UMOD: variants seen among roughly 807,000 people sequenced by gnomAD.
UMOD encodes the protein uromodulin.
UMOD carries 64 observed loss-of-function variants against 66.0 expected under a neutral mutation model. The observed-to-expected ratio is 0.97, with a 90% CI of 0.79 to 1.19. The LOEUF (loss-of-function observed/expected upper bound fraction) is 1.19. Among genes scored for constraint, UMOD ranks in the 50% most tolerant of loss-of-function variants. The pLI is 0.00. For missense variants in UMOD, 764 were observed against 850.9 expected, an observed-to-expected ratio of 0.90 and a Z score of 1.27; for synonymous variants, 398 against 352.7, an observed-to-expected ratio of 1.13 and a Z score of -1.44.
In UMOD at chr16:20,350,983, T is replaced by C. The variant is rs1273711534; in HGVS notation, c.-102-144A>G. On this transcript the variant is annotated intron_variant, in intron 1 of 10. Transcript: ENST00000396138. ...ATTGCATAACACTGCAGCCCTTGTT[T>C]TGCTGGGACTTTACCCCTTGTACTC... 6.6e-6 allele frequency: 5 copies of C among 754,538 alleles called. No individual in the cohort carries two copies. The African/African-American group carries it at 7.1e-5, about 11-fold the overall frequency. 46.7% of individuals were successfully genotyped at this position (754,538 alleles called of 1,614,324 possible). A position where few individuals can be genotyped will look rare whatever the true frequency, so the allele number is the denominator to read the frequency against.
chr16:20,353,246 T>C (rs559229803), upstream of UMOD, among the ~76,000 whole-genome samples: 7 of 152,214 alleles, frequency 4.6e-5, no homozygotes, highest in South Asian at 1.2e-3. Context: ...TGGCTGAAAG[T>C]CAGAACCAGA....
At chr16:20,345,511 C>G (rs1338354566) in intron 5 of UMOD, among the ~76,000 whole-genome samples, 3 of 103,044 alleles carry the variant, frequency 2.9e-5, no homozygotes, top group African/African-American at 1.2e-4. Context: ...TCCCTTCCTT[C>G]CTTCCTTCCT....
rs1965207569 is a variant in UMOD at position 20,341,355 on chromosome 16, T to G, written c.1332-19A>C. ...TAGAGCACTGCCAGGGGAGAAGGGT[T>G]GGTGAGAGGACCGGGCTGAGAACAT... is the stretch of plus-strand genomic sequence containing the variant. On this transcript the variant is annotated intron_variant, in intron 6 of 10. Coordinates refer to ENST00000396138, the MANE Select transcript of UMOD (RefSeq NM_003361.4). 3.1e-6 allele frequency: 5 copies of G among 1,612,290 alleles called. No individual in the cohort carries two copies. The highest frequency in any genetic ancestry group is 4.2e-6 in the Non-Finnish European group (5 of 1,180,000).
At chr16:20,342,119 A>T (rs947334801) in intron 6 of UMOD, among the ~76,000 whole-genome samples, 2 of 152,206 alleles carry the variant, frequency 1.3e-5, no homozygotes, top group African/African-American at 4.8e-5. Context: ...CATACGCAGG[A>T]GGATCATTTG....
At chr16:20,335,195 C>T (rs1048230197) in intron 10 of UMOD, among the ~76,000 whole-genome samples, 1 of 152,068 alleles carries the variant, frequency 6.6e-6, no homozygotes, top group Non-Finnish European at 1.5e-5. Flanking sequence ...AGTAAGTGCC[C>T]AAGATGCAGA....
chr16:20,346,177 C>T lies in UMOD; in HGVS notation c.1131G>A (p.Trp377Ter), dbSNP rs201738891. The T allele has an allele frequency of 6.2e-7, 1 of 1,614,202 alleles. No homozygotes were observed. The highest frequency in any genetic ancestry group is 2.2e-5 in the East Asian group (1 of 44,880). ...SGFNDRDNRD[W>*]VSVVTPARDG... ...CCCGGGCTGGGGTCACTACAGACAC[C>T]CAGTCCCGGTTGTCTCTGTCATTGA... The change falls in exon 5 of 11, where the codon TGG becomes TGA. Residue 377 changes from tryptophan to a stop codon, truncating the protein, a stop_gained. Coordinates refer to ENST00000396138, the MANE Select transcript of UMOD (RefSeq NM_003361.4). LOFTEE classifies it high-confidence loss of function.
chr16:20,343,062 G>A (rs138755971), intron 6 of UMOD, among the ~76,000 whole-genome samples: 1,648 of 152,006 alleles, frequency 0.011, 70 homozygotes, highest in South Asian at 0.1. Context: ...CCTGGGAGGC[G>A]GAGGTTGAAG....
At chr16:20,350,257 A>T (rs183892497) in intron 2 of UMOD, among the ~76,000 whole-genome samples, 1 of 152,256 alleles carries the variant, frequency 6.6e-6, no homozygotes, top group East Asian at 1.9e-4. Flanking sequence ...AGGTGTTTGG[A>T]TCCTCCTGCA....
At chr16:20,350,019 T>G (rs1965814578) in intron 2 of UMOD, 1 of 806,562 alleles carries the variant, frequency 1.2e-6, no homozygotes, top group South Asian at 2.3e-5. Flanking sequence ...TTATGTATCC[T>G]TATTTTAAAG....
intron 4 of UMOD, among the ~76,000 whole-genome samples, chr16:20,347,496 A>C (rs1596559557): frequency 6.6e-6 from 1 of 152,348 alleles, no homozygotes; most frequent in East Asian, 1.9e-4. Context: ...GCTGAAATTT[A>C]GTAACCTTCT....
intron 5 of UMOD, 23 bp from the exon 6 acceptor site, chr16:20,344,195 AGGGGGGGTGGG>A: frequency 2.7e-5 from 15 of 562,304 alleles, no homozygotes; most frequent in Non-Finnish European, 4.0e-5. Flanking sequence ...ATGGGGGTGG[AGGGGGGGTGGG>A]GATGAGAGAA....
At chr16:20,345,476 TTCCTTCCCTCCCTCCC>T (rs1567306632) in intron 5 of UMOD, among the ~76,000 whole-genome samples, 3 of 25,878 alleles carry the variant, frequency 1.2e-4, no homozygotes, top group South Asian at 8.8e-4. Context: ...CCTTCCTTCC[TTCCTTCCCTCCCTCCC>T]TCCCTCCCTC....
chr16:20,346,109 CA>C lies in UMOD; in HGVS notation c.1182+16del. ...CAGGCAGTGCTCTGGTTCTGTCCCC[CA>C]CTGGCCAGGACGTACCGTCAACACT... is the stretch of plus-strand genomic sequence containing the variant. On this transcript the variant is annotated intron_variant, in intron 5 of 10. Coordinates refer to ENST00000396138, the MANE Select transcript of UMOD (RefSeq NM_003361.4). 6.2e-7 allele frequency: 1 copy of C among 1,611,400 alleles called. No homozygotes were observed. The highest frequency in any genetic ancestry group is 8.5e-7 in the Non-Finnish European group (1 of 1,178,510).
At chr16:20,340,968 T>C in intron 7 of UMOD, 123 bp downstream of exon 7, 1 of 1,180,496 alleles carries the variant, frequency 8.5e-7, no homozygotes, top group East Asian at 2.6e-5. Flanking sequence ...CACTCCAACC[T>C]TGGCGACAGA....
At chr16:20,333,949 G>A (rs1390216032) in intron 10 of UMOD, among the ~76,000 whole-genome samples, 1 of 145,904 alleles carries the variant, frequency 6.9e-6, no homozygotes, top group East Asian at 2.2e-4. Flanking sequence ...CAGAAGAATC[G>A]CTTGAACCCA....
intron 6 of UMOD, among the ~76,000 whole-genome samples, chr16:20,343,411 C>T (rs996188907): frequency 2.6e-5 from 4 of 152,204 alleles, no homozygotes; most frequent in African/African-American, 9.6e-5. Flanking sequence ...CTTTCATTCA[C>T]AGAGAAGGAA....
At chr16:20,334,010 G>A (rs1381035165) in intron 10 of UMOD, among the ~76,000 whole-genome samples, 2 of 145,050 alleles carry the variant, frequency 1.4e-5, no homozygotes, top group East Asian at 4.6e-4. Context: ...CTCCAGCCTG[G>A]GTGACAGAGC....
intron 9 of UMOD, among the ~76,000 whole-genome samples, chr16:20,335,766 A>G (rs557477869): frequency 2.3e-4 from 35 of 151,106 alleles, no homozygotes; most frequent in African/African-American, 8.3e-4. Context: ...ATCCCACACA[A>G]CTCCCCTGGC....
At position 20,341,240 on chromosome 16, in the gene UMOD, G is replaced by T. The variant is rs764790842; in HGVS notation, c.1428C>A (p.Ser476=). 2.5e-6 allele frequency: 4 copies of T among 1,614,100 alleles called. No individual in the cohort carries two copies. Among genetic ancestry groups the T allele is most frequent in the Non-Finnish European group, 3.4e-6 (4 of 1,180,032 alleles). ...PSYTQPYQGS[S]VTLSTEAFLY... is the part of the protein sequence containing the mutation. Reference sequence around the variant, plus strand: ...GAAAAGCCTCAGTGGACAGTGTCACGGAGGAGCCTTGGTAGGGCTGCGTGT... The same window carrying T: ...GAAAAGCCTCAGTGGACAGTGTCACTGAGGAGCCTTGGTAGGGCTGCGTGT... Residue 476 remains serine, a synonymous_variant, in exon 7 of 11, where the codon TCC becomes TCA. Transcript: ENST00000396138.
Sources: allele counts gnomAD v4.1 joint callset (sites outside exome capture counted in the v4.1 genomes callset), GRCh38; gene constraint gnomAD v4.1.1; transcripts MANE v1.5; gene names NCBI Gene and HGNC (gene_info 2026-07-23, HGNC 2026-07-21).